Variants in ARMC3 observed in about 807,000 individuals in gnomAD.
ARMC3 encodes armadillo repeat-containing protein 3.
A neutral mutation model predicts 90.3 loss-of-function variants in ARMC3; 74 were observed. The ratio of observed to expected loss-of-function variants is 0.82; its 90% CI spans 0.68 to 0.99. The LOEUF is 0.99. Among genes scored for constraint, ARMC3 ranks in the 50% least tolerant of loss-of-function variants. ARMC3 has a pLI of 0.00. For synonymous variants in ARMC3, 334 were observed against 361.8 expected, an observed-to-expected ratio of 0.92 and a Z score of 0.87; for missense variants, 958 against 1,042.8, an observed-to-expected ratio of 0.92 and a Z score of 1.12.
chr10:22,989,062 C>G (rs887290185), intron 10 of ARMC3, among the ~76,000 whole-genome samples: 1 of 152,134 alleles, frequency 6.6e-6, no homozygotes, highest in Non-Finnish European at 1.5e-5. Context: ...CATACTGACC[C>G]CTAGTGGCCG....
At chr10:22,979,492 T>C (rs998189616) in intron 8 of ARMC3, among the ~76,000 whole-genome samples, 5 of 152,216 alleles carry the variant, frequency 3.3e-5, no homozygotes, top group Non-Finnish European at 5.9e-5. Context: ...ATTGTAAATG[T>C]ACTGTTTTCT....
chr10:23,015,280 C>T (rs750756209), intron 16 of ARMC3, among the ~76,000 whole-genome samples: 9 of 152,162 alleles, frequency 5.9e-5, no homozygotes, highest in Non-Finnish European at 8.8e-5. Context: ...TAGTTGTACT[C>T]CCCTTAATGG....
intron 2 of ARMC3, among the ~76,000 whole-genome samples, chr10:22,939,435 A>G (rs772410605): frequency 2.6e-5 from 4 of 152,154 alleles, no homozygotes; most frequent in Non-Finnish European, 5.9e-5. Flanking sequence ...GAAGCATTGT[A>G]ATTTGCTTGG....
chr10:23,016,934 C>T (rs554435501), intron 16 of ARMC3, among the ~76,000 whole-genome samples: 1 of 152,312 alleles, frequency 6.6e-6, no homozygotes, highest in East Asian at 1.9e-4. Context: ...TGGAACTGAG[C>T]TCTCCAATCT....
chr10:22,937,388 A>G (rs1834152307), intron 2 of ARMC3, among the ~76,000 whole-genome samples: 1 of 152,186 alleles, frequency 6.6e-6, no homozygotes, highest in South Asian at 2.1e-4. Context: ...ACACACTTAT[A>G]TAATCAGCTT....
At chr10:22,936,449 A>G (rs1189889475) in intron 2 of ARMC3, among the ~76,000 whole-genome samples, 2 of 152,236 alleles carry the variant, frequency 1.3e-5, no homozygotes, top group East Asian at 3.9e-4. Flanking sequence ...TATTCTAGAC[A>G]GTATTATTCC....
At chr10:22,994,664 G>T (rs1393485271) in intron 10 of ARMC3, among the ~76,000 whole-genome samples, 1 of 152,222 alleles carries the variant, frequency 6.6e-6, no homozygotes, top group South Asian at 2.1e-4. Context: ...CACTTTAGCT[G>T]TAAGACGGAG....
chr10:23,015,177 T>C (rs77881104), intron 16 of ARMC3, among the ~76,000 whole-genome samples: 3,145 of 152,270 alleles, frequency 0.021, 112 homozygotes, highest in African/African-American at 0.073. Flanking sequence ...GGATTTCTTT[T>C]TCCTGATGAA....
At chr10:22,977,522 T>C (rs1030873829) in intron 8 of ARMC3, among the ~76,000 whole-genome samples, 13 of 152,358 alleles carry the variant, frequency 8.5e-5, no homozygotes, top group Admixed American at 7.8e-4. Context: ...GTCGGGCTCC[T>C]TCACCATGGT....
At chr10:22,929,167 A>G (rs1481077055) in intron 1 of ARMC3, among the ~76,000 whole-genome samples, 2 of 151,840 alleles carry the variant, frequency 1.3e-5, no homozygotes, top group African/African-American at 4.8e-5. Flanking sequence ...TGGAGGTTGC[A>G]ATGAGCCAAG....
chr10:23,001,572 A>G (rs1384774862), intron 11 of ARMC3, among the ~76,000 whole-genome samples: 2 of 152,128 alleles, frequency 1.3e-5, no homozygotes, highest in Non-Finnish European at 2.9e-5. Context: ...TACTCTGTCT[A>G]TCACTGAGCT....
Position 22,946,173 on chromosome 10 carries a change from A to G in ARMC3, c.78A>G (p.Lys26=). 6.2e-7 allele frequency: 1 copy of G among 1,612,144 alleles called. No homozygotes were observed. The highest frequency in any genetic ancestry group is 1.1e-5 in the South Asian group (1 of 90,182). Residue 26 remains lysine, a synonymous_variant, in exon 3 of 19, where the codon AAA becomes AAG. Transcript: ENST00000298032. ...VFDPLMIESK[K]AATVVLMLNS... is the part of the protein sequence containing the mutation. ...ACCCATTAATGATTGAAAGCAAAAA[A>G]GCAGCAACTGTGGTGTTAATGCTTA...
chr10:22,942,474 T>C (rs1478572416), intron 2 of ARMC3, among the ~76,000 whole-genome samples: 1 of 152,166 alleles, frequency 6.6e-6, no homozygotes, highest in Non-Finnish European at 1.5e-5. Context: ...TAGGATATAG[T>C]GGTAGCAGGC....
chr10:23,030,723 A>G lies in ARMC3; in HGVS notation c.2173A>G (p.Met725Val). The change falls in exon 17 of 19, where the codon ATG (methionine) becomes GTG (valine). Residue 725 changes from methionine (M) to valine (V), a missense_variant. Coordinates refer to ENST00000298032, the MANE Select transcript of ARMC3 (RefSeq NM_173081.5). ...WCPPSDPDFS[M>V]YVYEVTKSIL... ...TCCTCCCTCTGACCCTGATTTCTCTATGTATGTGTATGAGGTGACCAAATC... is the reference window on the plus strand; with the variant it reads ...TCCTCCCTCTGACCCTGATTTCTCTGTGTATGTGTATGAGGTGACCAAATC... The G allele has an allele frequency of 1.2e-6, 2 of 1,613,850 alleles. No homozygotes were observed. Among genetic ancestry groups the G allele is most frequent in the East Asian group, 2.2e-5 (1 of 44,856 alleles).
intron 18 of ARMC3, among the ~76,000 whole-genome samples, chr10:23,033,706 G>T (rs1279834060): frequency 6.6e-6 from 1 of 152,154 alleles, no homozygotes; most frequent in Non-Finnish European, 1.5e-5. Flanking sequence ...CACTGTTCAG[G>T]CAACAGATGG....
intron 11 of ARMC3, among the ~76,000 whole-genome samples, chr10:22,999,569 G>A (rs1327553069): frequency 1.3e-5 from 2 of 152,208 alleles, no homozygotes; most frequent in South Asian, 2.1e-4. Context: ...CACCTACTAT[G>A]TGCCAGTGCT....
chr10:22,993,083 C>G (rs564170781), intron 10 of ARMC3, among the ~76,000 whole-genome samples: 3 of 152,180 alleles, frequency 2.0e-5, no homozygotes, highest in Non-Finnish European at 4.4e-5. Flanking sequence ...TCTGTTCCAT[C>G]GGGTTCCACA....
chr10:22,997,022 T>C (rs1169375612), intron 10 of ARMC3, among the ~76,000 whole-genome samples: 1 of 152,218 alleles, frequency 6.6e-6, no homozygotes, highest in Non-Finnish European at 1.5e-5. Flanking sequence ...AGTATTTTTC[T>C]TGTCTTGACT....
intron 16 of ARMC3, among the ~76,000 whole-genome samples, chr10:23,010,564 C>T (rs548060736): frequency 7.7e-6 from 1 of 129,170 alleles, no homozygotes; most frequent in East Asian, 2.6e-4. Context: ...TTTCCCTTCC[C>T]TTCTCTCCCC....
Sources: gnomAD v4.1 joint callset for allele counts (sites outside exome capture counted in the v4.1 genomes callset) on GRCh38, gnomAD v4.1.1 for gene constraint, MANE v1.5 for transcripts, NCBI Gene and HGNC (gene_info 2026-07-23, HGNC 2026-07-21) for gene names.